NCEH1: variants seen among roughly 807,000 people sequenced by gnomAD.
The protein encoded by NCEH1 is 2-acetyl MAGE hydrolase.
Under a neutral mutation model 25.4 loss-of-function variants are expected in NCEH1, and 9 were observed. That is an observed-to-expected ratio of 0.35 (90% CI 0.21 to 0.62). The LOEUF (loss-of-function observed/expected upper bound fraction) is 0.62, where lower values mean the gene tolerates loss of function less well. Ranked by LOEUF, NCEH1 falls within the 20% of genes least tolerant of loss-of-function variation. The pLI is 0.72. For missense variants in NCEH1, 412 were observed against 501.1 expected (o/e 0.82, Z 1.70); for synonymous variants, 200 against 199.8 (o/e 1.00, Z -0.01).
At chr3:172,687,378 G>C (rs1353874400) in intron 1 of NCEH1, among the ~76,000 whole-genome samples, 1 of 152,138 alleles carries the variant, frequency 6.6e-6, no homozygotes, top group East Asian at 1.9e-4. Flanking sequence ...CTAGGCTTAT[G>C]TTCCTGATTA....
At chr3:172,657,267 A>C (rs1318256159) in intron 1 of NCEH1, among the ~76,000 whole-genome samples, 2 of 152,134 alleles carry the variant, frequency 1.3e-5, no homozygotes, top group Admixed American at 6.5e-5. Flanking sequence ...ATCTTTCTCA[A>C]GCTTCCATAC....
intron 1 of NCEH1, among the ~76,000 whole-genome samples, chr3:172,675,494 C>A (rs1440223017): frequency 6.7e-6 from 1 of 149,952 alleles, no homozygotes; most frequent in African/African-American, 2.5e-5. Context: ...AAGGAAATGA[C>A]TGGTTTTTTA....
intron 1 of NCEH1, among the ~76,000 whole-genome samples, chr3:172,656,533 G>A (rs1378187739): frequency 6.6e-6 from 1 of 152,136 alleles, no homozygotes; most frequent in African/African-American, 2.4e-5. Flanking sequence ...TTGGGAGGCC[G>A]AGGCAGGTGC....
intron 1 of NCEH1, among the ~76,000 whole-genome samples, chr3:172,650,083 C>T (rs1522354): frequency 0.38 from 57,347 of 152,148 alleles, 13,430 homozygotes; most frequent in African/African-American, 0.64. Flanking sequence ...AATTTGTTCA[C>T]ACCTTTCCAG....
intron 1 of NCEH1, among the ~76,000 whole-genome samples, chr3:172,673,950 T>C (rs533754386): frequency 6.6e-6 from 1 of 152,298 alleles, no homozygotes; most frequent in East Asian, 1.9e-4. Flanking sequence ...TACTTGGGAA[T>C]GGATAAAACT....
intron 1 of NCEH1, among the ~76,000 whole-genome samples, chr3:172,691,289 T>C (rs1713021264): frequency 6.6e-6 from 1 of 152,194 alleles, no homozygotes; most frequent in South Asian, 2.1e-4. Flanking sequence ...AGACCATCAC[T>C]CCTGCCTTTG....
At chr3:172,644,188 C>G (rs894878639) in intron 3 of NCEH1, among the ~76,000 whole-genome samples, 15 of 149,442 alleles carry the variant, frequency 1.0e-4, no homozygotes, top group Middle Eastern at 3.4e-3. Flanking sequence ...TTTGGGGTGA[C>G]TCTAGGGCTT....
chr3:172,631,467 A>G lies in NCEH1; in HGVS notation c.*2008T>C, dbSNP rs1476441034. On this transcript the variant is annotated 3_prime_UTR_variant, in exon 5 of 5. Coordinates refer to ENST00000475381, the MANE Select transcript of NCEH1 (RefSeq NM_020792.6). ...TGACCTACCAAAAAAACCACCACAT[A>G]AGGAGAGGCCAATATAATTTGCCAG... is the stretch of plus-strand genomic sequence containing the variant. The G allele has an allele frequency of 1.3e-5, 2 of 152,524 alleles. No individual in the cohort carries two copies. The highest frequency in any genetic ancestry group is 2.9e-5 in the Non-Finnish European group (2 of 68,012). 9.4% of individuals were successfully genotyped at this position (152,524 alleles called of 1,614,324 possible).
At chr3:172,680,907 G>A (rs1441118810) in intron 1 of NCEH1, 2 of 151,792 alleles carry the variant, frequency 1.3e-5, no homozygotes, top group Non-Finnish European at 2.9e-5. Context: ...TGCCTAGCTT[G>A]GTGAAATGCC....
chr3:172,651,456 C>T (rs1717401465), intron 1 of NCEH1, among the ~76,000 whole-genome samples: 1 of 152,088 alleles, frequency 6.6e-6, no homozygotes, highest in Non-Finnish European at 1.5e-5. Flanking sequence ...AGTAGCCACA[C>T]CTTTCTATAG....
At chr3:172,691,946 C>CAAAAAA (rs61592238) in intron 1 of NCEH1, among the ~76,000 whole-genome samples, 1 of 80,012 alleles carries the variant, frequency 1.2e-5, no homozygotes, top group South Asian at 5.7e-4. Context: ...GACTCCGTCT[C>CAAAAAA]AAAAAAAAAA....
intron 3 of NCEH1, among the ~76,000 whole-genome samples, chr3:172,644,221 A>AGTGACTCTAGGGCTTTGGG (rs750214889): frequency 0.22 from 27,928 of 125,838 alleles, 4,325 homozygotes; most frequent in Non-Finnish European, 0.26. Flanking sequence ...AGGGCTTTTG[A>AGTGACTCTAGGGCTTTGGG]GTGACTCTAG....
intron 4 of NCEH1, among the ~76,000 whole-genome samples, chr3:172,635,386 T>C (rs1268571924): frequency 6.6e-6 from 1 of 152,218 alleles, no homozygotes; most frequent in Non-Finnish European, 1.5e-5. Flanking sequence ...ATTGGGGTGC[T>C]ATTAGAAGCT....
Position 172,630,999 on chromosome 3 carries a change from A to G in NCEH1, c.*2476T>C, listed in dbSNP as rs1177409405. The G allele has an allele frequency of 6.6e-6, 1 of 151,962 alleles. No homozygotes were observed. The highest frequency in any genetic ancestry group is 1.9e-4 in the East Asian group (1 of 5,198). The allele number at this position is 151,962 out of a possible 1,614,324, so 9.4% of individuals were successfully genotyped here. On this transcript the variant is annotated 3_prime_UTR_variant, in exon 5 of 5. Coordinates refer to ENST00000475381, the MANE Select transcript of NCEH1 (RefSeq NM_020792.6). The stretch of plus-strand genomic sequence containing the variant: ...ATTATCATTTTTTTCATAAAATAGG[A>G]AAAGAAAGCCACAGTACTAAAAAAA...
At chr3:172,699,047 G>C (rs1713537738) in intron 1 of NCEH1, among the ~76,000 whole-genome samples, 1 of 152,146 alleles carries the variant, frequency 6.6e-6, no homozygotes, top group Non-Finnish European at 1.5e-5. Context: ...TACATAAGTA[G>C]CAACATAAGC....
chr3:172,647,367 GT>G (rs1717167757), intron 2 of NCEH1, among the ~76,000 whole-genome samples: 3 of 152,152 alleles, frequency 2.0e-5, no homozygotes, highest in Admixed American at 2.0e-4. Context: ...TTGCAAGATT[GT>G]TTCCTTTGAA....
In NCEH1 at chr3:172,705,768, T is replaced by G. The variant is rs1250952699; in HGVS notation, c.138+5079A>C. ...TCCCAACATTTTAAGAGGCCAAGGC[T>G]GGTGGATCACCTGAGGTCAGGAGTT... On this transcript the variant is annotated intron_variant, in intron 1 of 4. Coordinates refer to ENST00000475381, the MANE Select transcript of NCEH1 (RefSeq NM_020792.6). Among the ~76,000 whole-genome samples the G allele has an allele frequency of 2.6e-5, 4 of 152,118 alleles. No homozygotes were observed. In the South Asian group the frequency reaches 8.3e-4, roughly 31 times the overall value.
At chr3:172,652,718 CAG>C (rs1273945836) in intron 1 of NCEH1, among the ~76,000 whole-genome samples, 3 of 152,068 alleles carry the variant, frequency 2.0e-5, no homozygotes, top group African/African-American at 7.2e-5. Context: ...TTTTTTTAGA[CAG>C]AGTCTCACTC....
intron 1 of NCEH1, among the ~76,000 whole-genome samples, chr3:172,684,245 T>C (rs754247945): frequency 8.5e-5 from 13 of 152,228 alleles, no homozygotes; most frequent in Non-Finnish European, 1.5e-4. Flanking sequence ...ATGTCCGTAA[T>C]CACTTTTAAA....
Sources: gnomAD v4.1 joint callset for allele counts (sites outside exome capture counted in the v4.1 genomes callset) on GRCh38, gnomAD v4.1.1 for gene constraint, MANE v1.5 for transcripts, NCBI Gene and HGNC (gene_info 2026-07-23, HGNC 2026-07-21) for gene names.